The following FANCI variants were observed in gnomAD, a reference collection of about 807,000 sequenced individuals.
FANCI encodes the protein Fanconi anemia group I protein.
FANCI carries 156 observed loss-of-function variants against 176.1 expected under a neutral mutation model. That is an observed-to-expected ratio of 0.89 (90% CI 0.78 to 1.01). FANCI has a LOEUF of 1.01. Ranked by LOEUF, FANCI falls within the 50% of genes least tolerant of loss-of-function variation. The pLI is 0.00. For synonymous variants in FANCI, 613 were observed against 541.7 expected (o/e 1.13, Z -1.83); for missense variants, 1,678 against 1,534.1 (o/e 1.09, Z -1.57).
Position 89,294,967 on chromosome 15 carries a change from G to T in FANCI, c.2509G>T (p.Glu837Ter), listed in dbSNP as rs748000458. Reference sequence around the variant, plus strand: ...CCTTTCTGTTCTCAGGTCCAGCAATGAGTTTATGCGCTATGCAGTGAATGT... The same window carrying T: ...CCTTTCTGTTCTCAGGTCCAGCAATTAGTTTATGCGCTATGCAGTGAATGT... ...ESLSVLRSSN[E>*]FMRYAVNVAL... is the part of the protein sequence containing the mutation. Residue 837 changes from glutamate (E) to a stop codon, truncating the protein, a stop_gained, in exon 24 of 38, where the codon GAG (glutamate) becomes TAG (stop). Transcript: ENST00000310775. LOFTEE classifies it high-confidence loss of function. The T allele has an allele frequency of 7.1e-6, 11 of 1,552,186 alleles. No homozygotes were observed. Among genetic ancestry groups the T allele is most frequent in the Non-Finnish European group, 9.6e-6 (11 of 1,147,128 alleles).
At chr15:89,247,798 G>A (rs2052055059) in intron 2 of FANCI, 67 bp downstream of exon 2, 1 of 1,391,862 alleles carries the variant, frequency 7.2e-7, no homozygotes, top group Non-Finnish European at 1.0e-6. Context: ...CAAAGGACAT[G>A]TGAGAAAGAA....
In FANCI at chr15:89,260,463, T is replaced by C. The variant is rs138549248; in HGVS notation, c.158-250T>C. The stretch of plus-strand genomic sequence containing the variant: ...ACTTCTCAAAAGCTGTAAGACCTAT[T>C]AGAAGGTTACTTCATCCTGTAATTA... On this transcript the variant is annotated intron_variant, in intron 3 of 37. Transcript: ENST00000310775. Among the ~76,000 whole-genome samples, 8 of 152,346 alleles carry C rather than the reference T, an allele frequency of 5.3e-5. No individual in the cohort carries two copies. The East Asian group carries it at 1.3e-3, about 26-fold the overall frequency.
rs1265992929 is a variant in FANCI, at chr15:89,314,594, T to G, written c.3721-18T>G. On this transcript the variant is annotated intron_variant, in intron 35 of 37. Transcript: ENST00000310775. ...ACCATTGAACCTGAAATTTAAGTCT[T>G]ATGTTCTTTGCCCTTAGGCCAGAGT... The G allele has an allele frequency of 6.3e-7, 1 of 1,590,828 alleles. No individual in the cohort carries two copies. The highest frequency in any genetic ancestry group is 8.6e-7 in the Non-Finnish European group (1 of 1,158,964).
intron 24 of FANCI, among the ~76,000 whole-genome samples, chr15:89,295,384 A>AC (rs755421512): frequency 7.0e-6 from 1 of 143,580 alleles, no homozygotes; most frequent in Non-Finnish European, 1.5e-5. Context: ...AAAAAAAAAA[A>AC]GCCAGACATG....
intron 19 of FANCI, 91 bp from the exon 20 acceptor site, chr15:89,291,522 A>C (rs2054069174): frequency 1.0e-6 from 1 of 983,900 alleles, no homozygotes; most frequent in African/African-American, 1.6e-5. Flanking sequence ...GTTAGAAGGC[A>C]TTAGACATTA....
rs1173017190 is a variant in FANCI at position 89,301,462 on chromosome 15, A to C, written c.3006+20A>C. The C allele has an allele frequency of 1.4e-6, 2 of 1,476,270 alleles. No homozygotes were observed. Among genetic ancestry groups the C allele is most frequent in the Non-Finnish European group, 1.9e-6 (2 of 1,054,020 alleles). The allele number at this position is 1,476,270 out of a possible 1,614,324, so 91.4% of individuals were successfully genotyped here. Reference sequence around the variant, plus strand: ...CCTCAGGTACTAGTACCGCTAACTTAATCCCATTTAGCATTCCTCAGAAGG... The same window carrying C: ...CCTCAGGTACTAGTACCGCTAACTTCATCCCATTTAGCATTCCTCAGAAGG... On this transcript the variant is annotated intron_variant, in intron 27 of 37. Transcript: ENST00000310775.
At chr15:89,247,291 C>G (rs1013641309) in intron 1 of FANCI, among the ~76,000 whole-genome samples, 1 of 152,050 alleles carries the variant, frequency 6.6e-6, no homozygotes, top group African/African-American at 2.4e-5. Flanking sequence ...GTATTACATA[C>G]TTGATATGCT....
chr15:89,314,782 C>T (rs1325929081), intron 36 of FANCI, 75 bp downstream of exon 36: 3 of 1,030,108 alleles, frequency 2.9e-6, no homozygotes, highest in Non-Finnish European at 4.5e-6. Flanking sequence ...AGCAGCACAA[C>T]TACAATGGAG....
chr15:89,261,485 C>T (rs903244672), intron 4 of FANCI, 100 bp from the exon 5 acceptor site: 54 of 1,435,218 alleles, frequency 3.8e-5, no homozygotes, highest in Admixed American at 3.5e-4. Flanking sequence ...TTCTGGATCT[C>T]GGTCAATTCA....
intron 20 of FANCI, among the ~76,000 whole-genome samples, chr15:89,291,932 C>G (rs2054085584): frequency 6.6e-6 from 1 of 152,230 alleles, no homozygotes; most frequent in African/African-American, 2.4e-5. Context: ...AGGCTTCCAT[C>G]ACTTCCCCCA....
At chr15:89,264,735 C>T (rs2052866023) in intron 9 of FANCI, 128 bp downstream of exon 9, 1 of 701,330 alleles carries the variant, frequency 1.4e-6, no homozygotes, top group Non-Finnish European at 2.5e-6. Flanking sequence ...TTCTAATCTT[C>T]TCTTAGCTAC....
At chr15:89,252,859 G>A (rs1030582411) in intron 2 of FANCI, among the ~76,000 whole-genome samples, 2 of 152,224 alleles carry the variant, frequency 1.3e-5, no homozygotes, top group African/African-American at 2.4e-5. Flanking sequence ...TGATTGGGGA[G>A]TCTCAACATC....
At position 89,312,981 on chromosome 15, in the gene FANCI, C is replaced by T. The variant is rs750934400; in HGVS notation, c.3720+9C>T. ...CCGTTGCCACAGCCATGGTAAGCTGCTGACACTGACCGTTAAAATATGCTT... is the reference window on the plus strand; with the variant it reads ...CCGTTGCCACAGCCATGGTAAGCTGTTGACACTGACCGTTAAAATATGCTT... On this transcript the variant is annotated intron_variant, in intron 35 of 37. Coordinates refer to ENST00000310775, the MANE Select transcript of FANCI (RefSeq NM_001113378.2). The T allele has an allele frequency of 6.2e-7, 1 of 1,613,434 alleles. No individual in the cohort carries two copies. The highest frequency in any genetic ancestry group is 8.5e-7 in the Non-Finnish European group (1 of 1,179,536).
rs1455557419 is a variant in FANCI, at chr15:89,305,673, A to G, written c.3324A>G (p.Gly1108=). 5 of 1,614,242 alleles carry G rather than the reference A, an allele frequency of 3.1e-6. No individual in the cohort carries two copies. The highest frequency in any genetic ancestry group is 4.2e-6 in the Non-Finnish European group (5 of 1,180,036). Residue 1108 remains glycine (G), a synonymous_variant, in exon 31 of 38, where the codon GGA becomes GGG. Coordinates refer to ENST00000310775, the MANE Select transcript of FANCI (RefSeq NM_001113378.2). ...ACTGGCTAATCACCAAGCTTAAGGG[A>G]CAAGTGAGCCAAGAAACCTTATCAG... ...EVDWLITKLK[G]QVSQETLSEE...
chr15:89,253,875 T>A (rs2052379427), intron 2 of FANCI, among the ~76,000 whole-genome samples: 1 of 146,810 alleles, frequency 6.8e-6, no homozygotes, highest in Non-Finnish European at 1.5e-5. Context: ...GCCTTAAACA[T>A]AAGAAAATAT....
chr15:89,251,671 T>C (rs2052257094), intron 2 of FANCI, among the ~76,000 whole-genome samples: 1 of 152,194 alleles, frequency 6.6e-6, no homozygotes, highest in Admixed American at 6.5e-5. Context: ...TCAAGTGGGA[T>C]TTAATAGCAG....
At chr15:89,290,997 C>T (rs1391775337) in intron 19 of FANCI, among the ~76,000 whole-genome samples, 5 of 152,128 alleles carry the variant, frequency 3.3e-5, no homozygotes, top group Non-Finnish European at 5.9e-5. Context: ...ATCAACACAT[C>T]TACATTCACA....
chr15:89,252,477 C>T (rs905118483), intron 2 of FANCI, among the ~76,000 whole-genome samples: 1 of 152,074 alleles, frequency 6.6e-6, no homozygotes, highest in African/African-American at 2.4e-5. Flanking sequence ...AGTTAGCTCA[C>T]GCCTGTAATC....
At chr15:89,260,615 T>G (rs1177979562) in intron 3 of FANCI, 98 bp from the exon 4 acceptor site, 11 of 1,487,160 alleles carry the variant, frequency 7.4e-6, no homozygotes, top group Middle Eastern at 2.0e-4. Flanking sequence ...GTTTGATAAT[T>G]CTGTTTTTTT....
Sources: gnomAD v4.1 joint callset for allele counts (sites outside exome capture counted in the v4.1 genomes callset) on GRCh38, gnomAD v4.1.1 for gene constraint, MANE v1.5 for transcripts, NCBI Gene and HGNC (gene_info 2026-07-23, HGNC 2026-07-21) for gene names.